Variants in CHRNA7 observed in about 807,000 individuals in gnomAD.
CHRNA7 encodes the protein neuronal acetylcholine receptor subunit alpha-7.
CHRNA7 carries 17 observed loss-of-function variants against 48.0 expected under a neutral mutation model. The observed-to-expected ratio is 0.35, with a 90% CI of 0.24 to 0.53. CHRNA7 has a LOEUF of 0.53. CHRNA7 is among the 20% of genes least tolerant of loss of function. CHRNA7 has a pLI of 0.92. For missense variants in CHRNA7, 155 were observed against 577.7 expected (o/e 0.27, Z 7.50); for synonymous variants, 75 against 242.3 (o/e 0.31, Z 6.41).
At chr15:32,091,054 T>C (rs1318749511) in intron 2 of CHRNA7, among the ~76,000 whole-genome samples, 1 of 152,204 alleles carries the variant, frequency 6.6e-6, no homozygotes, top group Non-Finnish European at 1.5e-5. Context: ...TTACTAAATT[T>C]TTCATTTTGT....
At chr15:32,064,388 A>G (rs187673367) in intron 2 of CHRNA7, among the ~76,000 whole-genome samples, 1 of 151,944 alleles carries the variant, frequency 6.6e-6, no homozygotes, top group East Asian at 1.9e-4. Context: ...GCATCCTCAA[A>G]GTCCCTTATC....
At position 32,152,096 on chromosome 15, in the gene CHRNA7, T is replaced by A. The variant is rs534684879; in HGVS notation, c.351-1811T>A. Among the ~76,000 whole-genome samples, 100 of 152,330 alleles carry A rather than the reference T, an allele frequency of 6.6e-4. 2 individuals carry two copies. In the South Asian group the frequency reaches 0.021, roughly 32 times the overall value. Reference sequence around the variant, plus strand: ...GTTTTAATCAGGCATGGTGAGACACTTAGACACAGAAGTGACTGTCCTGAA... The same window carrying A: ...GTTTTAATCAGGCATGGTGAGACACATAGACACAGAAGTGACTGTCCTGAA... On this transcript the variant is annotated intron_variant, in intron 4 of 9. Transcript: ENST00000306901.
intron 2 of CHRNA7, among the ~76,000 whole-genome samples, chr15:32,091,848 ATTTCTTGTGC>A: frequency 6.6e-6 from 1 of 152,086 alleles, no homozygotes; most frequent in East Asian, 1.9e-4. Context: ...GTTTTGAAGG[ATTTCTTGTGC>A]TTTCTTGTGA....
intron 3 of CHRNA7, chr15:32,111,507 G>A (rs1487030630): frequency 6.5e-6 from 2 of 305,880 alleles, no homozygotes; most frequent in Admixed American, 4.7e-5. Context: ...TCTACTGCAG[G>A]AGGAGAAGGC....
At chr15:32,089,592 G>A (rs1024949415) in intron 2 of CHRNA7, among the ~76,000 whole-genome samples, 2 of 151,962 alleles carry the variant, frequency 1.3e-5, no homozygotes, top group Non-Finnish European at 2.9e-5. Flanking sequence ...TTACCCAACT[G>A]CTTTTGCATG....
At chr15:32,104,170 C>T (rs12438848) in intron 3 of CHRNA7, among the ~76,000 whole-genome samples, 58,208 of 151,762 alleles carry the variant, frequency 0.38, 11,377 homozygotes, top group South Asian at 0.5. Context: ...TCAATTCCCT[C>T]CTTGCCTGGC....
chr15:32,041,673 G>C (rs1321716601), intron 2 of CHRNA7, among the ~76,000 whole-genome samples: 1 of 152,108 alleles, frequency 6.6e-6, no homozygotes, highest in Non-Finnish European at 1.5e-5. Flanking sequence ...CACAATCCTT[G>C]GATATTCTAT....
At chr15:32,066,928 G>A (rs1322587449) in intron 2 of CHRNA7, among the ~76,000 whole-genome samples, 1 of 151,930 alleles carries the variant, frequency 6.6e-6, no homozygotes, top group Non-Finnish European at 1.5e-5. Flanking sequence ...TAAAGGATTC[G>A]AACAGGTGGA....
At position 32,149,994 on chromosome 15, in the gene CHRNA7, G is replaced by A. The variant is rs968132884; in HGVS notation, c.351-3913G>A. ...AGCAAAACTTTGTTCCCCATAACATGCATCAAACCACACTATTCTTAATTT... is the reference window on the plus strand; with the variant it reads ...AGCAAAACTTTGTTCCCCATAACATACATCAAACCACACTATTCTTAATTT... On this transcript the variant is annotated intron_variant, in intron 4 of 9. Coordinates refer to ENST00000306901, the MANE Select transcript of CHRNA7 (RefSeq NM_000746.6). This position sits in a 1 kb window ranked among gnomAD's most constrained non-coding sequence, Gnocchi z 4.6. Among the ~76,000 whole-genome samples the A allele has an allele frequency of 6.6e-6, 1 of 151,748 alleles. No homozygotes were observed. Among genetic ancestry groups the A allele is most frequent in the Non-Finnish European group, 1.5e-5 (1 of 67,952 alleles).
intron 3 of CHRNA7, among the ~76,000 whole-genome samples, chr15:32,107,175 C>T (rs1470980688): frequency 2.0e-5 from 3 of 152,158 alleles, no homozygotes; most frequent in Non-Finnish European, 4.4e-5. Flanking sequence ...CAATTTTCCA[C>T]CAGCAACTGG....
intron 2 of CHRNA7, among the ~76,000 whole-genome samples, chr15:32,054,328 AGTTT>A (rs995411206): frequency 7.2e-5 from 11 of 152,294 alleles, no homozygotes; most frequent in South Asian, 2.1e-4. Context: ...GTCAGGAAAC[AGTTT>A]GTTTAAGTTC....
chr15:32,097,044 T>C (rs936846874), intron 2 of CHRNA7, among the ~76,000 whole-genome samples: 1 of 152,102 alleles, frequency 6.6e-6, no homozygotes, highest in East Asian at 1.9e-4. Context: ...CCATTGGCAC[T>C]GAGTGACATC....
At chr15:32,047,561 G>C (rs1273418355) in intron 2 of CHRNA7, among the ~76,000 whole-genome samples, 2 of 152,158 alleles carry the variant, frequency 1.3e-5, no homozygotes, top group Non-Finnish European at 2.9e-5. Flanking sequence ...TCAGCTTCAG[G>C]AGATTTTGGG....
At chr15:32,124,757 A>G (rs541652757) in intron 4 of CHRNA7, among the ~76,000 whole-genome samples, 21 of 152,322 alleles carry the variant, frequency 1.4e-4, no homozygotes, top group Admixed American at 5.2e-4. Flanking sequence ...TGATGGAATT[A>G]GAAGGTGGGG....
intron 2 of CHRNA7, among the ~76,000 whole-genome samples, chr15:32,073,905 A>G (rs2050096017): frequency 6.6e-6 from 1 of 152,026 alleles, no homozygotes; most frequent in Middle Eastern, 3.2e-3. Context: ...TTCCTTTATA[A>G]ATTACCCAGT....
chr15:32,052,662 G>A (rs967664292), intron 2 of CHRNA7, among the ~76,000 whole-genome samples: 1 of 152,170 alleles, frequency 6.6e-6, no homozygotes, highest in African/African-American at 2.4e-5. Flanking sequence ...CCGGGAGGCA[G>A]AGGTTGCAGT....
intron 2 of CHRNA7, among the ~76,000 whole-genome samples, chr15:32,045,011 T>C (rs1473434897): frequency 2.0e-5 from 3 of 152,250 alleles, no homozygotes; most frequent in Non-Finnish European, 2.9e-5. Context: ...TCATTGTGTC[T>C]ATCTGTTGTT....
At chr15:32,061,013 C>A (rs967832125) in intron 2 of CHRNA7, among the ~76,000 whole-genome samples, 8 of 152,222 alleles carry the variant, frequency 5.3e-5, no homozygotes, top group African/African-American at 1.9e-4. Flanking sequence ...GGATTCATCA[C>A]AAGAGCAAGA....
intron 2 of CHRNA7, among the ~76,000 whole-genome samples, chr15:32,072,878 T>G (rs2050079880): frequency 6.6e-6 from 1 of 152,186 alleles, no homozygotes; most frequent in Admixed American, 6.5e-5. Flanking sequence ...AAACACTGGG[T>G]GCCCAGGTGG....
Sources: allele counts gnomAD v4.1 joint callset (sites outside exome capture counted in the v4.1 genomes callset), GRCh38; gene constraint gnomAD v4.1.1; non-coding constraint Gnocchi (gnomAD v3.1); transcripts MANE v1.5; gene names NCBI Gene and HGNC (gene_info 2026-07-23, HGNC 2026-07-21).